The following IL17RD variants were observed in gnomAD, a reference collection of about 807,000 sequenced individuals.
The protein encoded by IL17RD is interleukin-17 receptor D.
Under a neutral mutation model 80.5 loss-of-function variants are expected in IL17RD, and 52 were observed. The ratio of observed to expected loss-of-function variants is 0.65; its 90% CI spans 0.52 to 0.81. IL17RD has a LOEUF of 0.81. Among genes scored for constraint, IL17RD ranks in the 40% least tolerant of loss-of-function variants. The pLI is 0.00. For synonymous variants in IL17RD, 416 were observed against 391.8 expected, an observed-to-expected ratio of 1.06 and a Z score of -0.73; for missense variants, 1,024 against 955.1, an observed-to-expected ratio of 1.07 and a Z score of -0.95.
intron 1 of IL17RD, 142 bp downstream of exon 1, chr3:57,165,019 G>A (rs2060337282): frequency 3.0e-6 from 4 of 1,342,144 alleles, no homozygotes; most frequent in Non-Finnish European, 3.8e-6. Context: ...AGGAGGATGC[G>A]CGGGAGGAGT....
chr3:57,096,382 C>G lies in IL17RD; in HGVS notation c.*11G>C. The G allele has an allele frequency of 6.3e-7, 1 of 1,596,850 alleles. No homozygotes were observed. ...CAGCTAAAGTGGCAATGCTTAGACTCTTTCGTTTTGTTACAAAGGGGCGAC... is the reference window on the plus strand; with the variant it reads ...CAGCTAAAGTGGCAATGCTTAGACTGTTTCGTTTTGTTACAAAGGGGCGAC... On this transcript the variant is annotated 3_prime_UTR_variant, in exon 13 of 13. Coordinates refer to ENST00000296318, the MANE Select transcript of IL17RD (RefSeq NM_017563.5).
chr3:57,119,653 G>GATTCACACAGATTCACCTTGTGTGAA lies in IL17RD; in HGVS notation c.184+602_184+603insTTCACACAAGGTGAATCTGTGTGAAT, dbSNP rs1559473862. ...AGATCCCTGGCCCATCTGGAACCCAGTTTCACACAGATTCACCTTGTGTGA... is the reference window on the plus strand; with the variant it reads ...AGATCCCTGGCCCATCTGGAACCCAGATTCACACAGATTCACCTTGTGTGAATTTCACACAGATTCACCTTGTGTGA... On this transcript the variant is annotated intron_variant, in intron 2 of 12. Transcript: ENST00000296318. 1.3e-4 allele frequency among the ~76,000 whole-genome samples: 19 copies of GATTCACACAGATTCACCTTGTGTGAA among 151,904 alleles called. 1 individual carries two copies. The highest frequency in any genetic ancestry group is 6.3e-4 in the South Asian group (3 of 4,784).
rs1235154392 is a variant in IL17RD, at chr3:57,098,263, A to G, written c.1440T>C (p.Phe480=). 2 of 1,613,950 alleles carry G rather than the reference A, an allele frequency of 1.2e-6. No homozygotes were observed. Among genetic ancestry groups the G allele is most frequent in the Admixed American group, 1.7e-5 (1 of 60,030 alleles). The change falls in exon 12 of 13, where the codon TTT becomes TTC. Residue 480 remains phenylalanine (F), a synonymous_variant. Transcript: ENST00000296318. The part of the protein sequence containing the change: ...AALSKFIAVY[F]DYSCEGDVPG... ...GGACGTCTCCCTCGCAGGAATAATC[A>G]AAGTAGACGGCGATAAACTTGCTGA... is the stretch of plus-strand genomic sequence containing the variant.
At chr3:57,109,966 C>T (rs763378224) in intron 4 of IL17RD, among the ~76,000 whole-genome samples, 2 of 152,220 alleles carry the variant, frequency 1.3e-5, no homozygotes, top group Non-Finnish European at 2.9e-5. Flanking sequence ...CTTCCAGGAT[C>T]ACTGCTCCAG....
chr3:57,111,498 G>T (rs961407508), intron 3 of IL17RD, among the ~76,000 whole-genome samples: 1 of 152,112 alleles, frequency 6.6e-6, no homozygotes, highest in South Asian at 2.1e-4. Context: ...AAAGTCATTA[G>T]ACCAACAACT....
upstream of IL17RD, among the ~76,000 whole-genome samples, chr3:57,166,775 T>C (rs1473640710): frequency 3.3e-5 from 5 of 152,126 alleles, no homozygotes; most frequent in Non-Finnish European, 5.9e-5. Context: ...TCAGGAAACC[T>C]TGGAAATTGT....
chr3:57,165,175 T>G lies in IL17RD; in HGVS notation c.112A>C (p.Thr38Pro). 6.6e-7 allele frequency: 1 copy of G among 1,526,542 alleles called. No individual in the cohort carries two copies. Among genetic ancestry groups the G allele is most frequent in the South Asian group, 1.2e-5 (1 of 81,892 alleles). The allele number at this position is 1,526,542 out of a possible 1,614,324, so 94.6% of individuals were successfully genotyped here. A position where few individuals can be genotyped will look rare whatever the true frequency, so the allele number is the denominator to read the frequency against. Residue 38 changes from threonine (T) to proline (P), a missense_variant, in exon 1 of 13, where the codon ACC becomes CCC. By Grantham distance (38) the Thr-to-Pro change is conservative. Transcript: ENST00000296318. Reference protein sequence around the residue: ...GGSGRARGADTCGWRGVGPAS... With the variant: ...GGSGRARGADPCGWRGVGPAS... ...CCTCGCCTTACCCTCCAGCCACAGG[T>G]GTCGGCGCCCCGCGCGCGGCCGGAC...
chr3:57,145,770 G>C (rs1016664981), intron 1 of IL17RD, among the ~76,000 whole-genome samples: 4 of 152,152 alleles, frequency 2.6e-5, no homozygotes, highest in Admixed American at 2.6e-4. Flanking sequence ...TAGTGTAACT[G>C]TCCCACTTTA....
chr3:57,122,387 G>A (rs1344123105), intron 1 of IL17RD, among the ~76,000 whole-genome samples: 2 of 152,212 alleles, frequency 1.3e-5, no homozygotes, highest in African/African-American at 2.4e-5. Context: ...CAACCCCCGG[G>A]CCCTGGACTG....
intron 5 of IL17RD, among the ~76,000 whole-genome samples, chr3:57,108,781 G>A (rs978257455): frequency 6.7e-6 from 1 of 149,312 alleles, no homozygotes; most frequent in Non-Finnish European, 1.5e-5. Context: ...CTCCCAAAGT[G>A]TTGGGATTAC....
chr3:57,148,751 A>C (rs914683817), intron 1 of IL17RD, among the ~76,000 whole-genome samples: 9 of 152,178 alleles, frequency 5.9e-5, no homozygotes, highest in African/African-American at 1.9e-4. Context: ...CTCCTTCCCC[A>C]AAAAGGAATA....
At chr3:57,162,060 A>G (rs1057408505) in intron 1 of IL17RD, among the ~76,000 whole-genome samples, 3 of 152,224 alleles carry the variant, frequency 2.0e-5, no homozygotes, top group African/African-American at 7.2e-5. Flanking sequence ...AAACCTGACC[A>G]CTTAAACCAG....
At chr3:57,133,932 G>C (rs1432409968) in intron 1 of IL17RD, among the ~76,000 whole-genome samples, 1 of 152,186 alleles carries the variant, frequency 6.6e-6, no homozygotes, top group East Asian at 1.9e-4. Context: ...ATGGAGAAAT[G>C]TTTACAAAAT....
chr3:57,152,196 G>A (rs1543944), intron 1 of IL17RD, among the ~76,000 whole-genome samples: 8 of 151,828 alleles, frequency 5.3e-5, no homozygotes, highest in Non-Finnish European at 5.9e-5. Context: ...CCCCGCCCCC[G>A]ACCAAAGCAT....
In IL17RD at chr3:57,165,268, G is replaced by C. The variant is rs1395408279; in HGVS notation, c.19C>G (p.Leu7Val). ...TTGACCGTAAAGAAGACGGAGCAGA[G>C]CTGCAGCCACGGGGCCATGGCCGTG... Reference protein sequence around the residue: MAPWLQLCSVFFTVNAC... With the variant: MAPWLQVCSVFFTVNAC... Residue 7 changes from leucine to valine, a missense_variant, in exon 1 of 13, where the codon CTC becomes GTC. Leu to Val is a conservative substitution (Grantham distance 32). Coordinates refer to ENST00000296318, the MANE Select transcript of IL17RD (RefSeq NM_017563.5). 1.6e-5 allele frequency: 24 copies of C among 1,512,234 alleles called. No homozygotes were observed. The highest frequency in any genetic ancestry group is 2.0e-5 in the Non-Finnish European group (23 of 1,130,676). 93.7% of individuals were successfully genotyped at this position (1,512,234 alleles called of 1,614,324 possible). A position where few individuals can be genotyped will look rare whatever the true frequency, so the allele number is the denominator to read the frequency against.
At position 57,111,132 on chromosome 3, in the gene IL17RD, G is replaced by A. The variant is rs115394046; in HGVS notation, c.311-821C>T. On this transcript the variant is annotated intron_variant, in intron 3 of 12. Transcript: ENST00000296318. Reference sequence around the variant, plus strand: ...CAGCTGGAGAGCCCCAAAGCCTGCCGCAATGGCGAGATATCGATTTCACAT... The same window carrying A: ...CAGCTGGAGAGCCCCAAAGCCTGCCACAATGGCGAGATATCGATTTCACAT... Among the ~76,000 whole-genome samples, 260 of 152,348 alleles carry A rather than the reference G, an allele frequency of 1.7e-3. 2 individuals carry two copies. The highest frequency in any genetic ancestry group is 6.1e-3 in the African/African-American group (255 of 41,582).
intron 1 of IL17RD, among the ~76,000 whole-genome samples, chr3:57,131,452 T>A (rs956621502): frequency 2.6e-5 from 4 of 152,164 alleles, no homozygotes; most frequent in African/African-American, 9.7e-5. Context: ...CCAATGCCCA[T>A]CAACCACAGG....
chr3:57,126,277 C>A (rs1377709586), intron 1 of IL17RD, among the ~76,000 whole-genome samples: 2 of 152,158 alleles, frequency 1.3e-5, no homozygotes, highest in African/African-American at 4.8e-5. Context: ...GCAGCAAGCC[C>A]CGGCTGTCTG....
intron 1 of IL17RD, among the ~76,000 whole-genome samples, chr3:57,160,849 T>C (rs2060299816): frequency 6.6e-6 from 1 of 152,172 alleles, no homozygotes; most frequent in Non-Finnish European, 1.5e-5. Flanking sequence ...TCACTCTCAC[T>C]CTGATCCCAT....
Sources: gnomAD v4.1 joint callset for allele counts (sites outside exome capture counted in the v4.1 genomes callset) on GRCh38, gnomAD v4.1.1 for gene constraint, MANE v1.5 for transcripts, NCBI Gene and HGNC (gene_info 2026-07-23, HGNC 2026-07-21) for gene names.